The following SERGEF variants were observed in gnomAD, a reference collection of about 807,000 sequenced individuals.
SERGEF encodes secretion regulating guanine nucleotide exchange factor, also known as secretion-regulating guanine nucleotide exchange factor.
SERGEF carries 51 observed loss-of-function variants against 50.0 expected under a neutral mutation model. The observed-to-expected ratio is 1.02, with a 90% confidence interval of 0.81 to 1.29. The LOEUF is 1.29. Among genes scored for constraint, SERGEF ranks in the 50% most tolerant of loss-of-function variants. The pLI, the probability that SERGEF is intolerant of heterozygous loss-of-function variation, is 0.00. For synonymous variants in SERGEF, 205 were observed against 212.4 expected (o/e 0.97, Z 0.30); for missense variants, 521 against 557.0 (o/e 0.94, Z 0.65).
chr11:17,993,281 C>T (rs570682649), intron 6 of SERGEF, among the ~76,000 whole-genome samples: 7 of 152,234 alleles, frequency 4.6e-5, no homozygotes, highest in South Asian at 4.1e-4. Context: ...TATAATCAAC[C>T]GTGTAATATT....
Position 17,958,907 on chromosome 11 carries a change from C to G in SERGEF, c.1011+563G>C, listed in dbSNP as rs574388957. ...CAGAGTCTTGCTCTGCCCCCACCCC[C>G]CTCCAGGCTGGAGTGCAGTGGTGTG... is the stretch of plus-strand genomic sequence containing the variant. On this transcript the variant is annotated intron_variant, in intron 9 of 10. Transcript: ENST00000265965. 1.8e-4 allele frequency among the ~76,000 whole-genome samples: 27 copies of G among 152,170 alleles called. No individual in the cohort carries two copies. The East Asian group carries it at 1.9e-3, about 11-fold the overall frequency.
chr11:17,898,152 A>G (rs1851681395), intron 9 of SERGEF, among the ~76,000 whole-genome samples: 1 of 152,228 alleles, frequency 6.6e-6, no homozygotes, highest in African/African-American at 2.4e-5. Context: ...TGACTGAGAA[A>G]CTCAGGAATC....
chr11:17,887,339 AAC>A (rs1288303518), intron 9 of SERGEF, among the ~76,000 whole-genome samples: 1 of 152,226 alleles, frequency 6.6e-6, no homozygotes, highest in Non-Finnish European at 1.5e-5. Flanking sequence ...AAAAAAGCCT[AAC>A]ACAACAATAC....
chr11:17,914,968 A>G (rs1852022276), intron 9 of SERGEF, among the ~76,000 whole-genome samples: 1 of 152,230 alleles, frequency 6.6e-6, no homozygotes, highest in Non-Finnish European at 1.5e-5. Context: ...AGAATAAAAG[A>G]AGAGGTCCTC....
chr11:17,917,350 AG>A (rs1415467739), intron 9 of SERGEF, among the ~76,000 whole-genome samples: 2 of 152,216 alleles, frequency 1.3e-5, no homozygotes, highest in African/African-American at 2.4e-5. Context: ...CTCACTCATA[AG>A]TGGGAGCTAA....
chr11:18,007,262 T>C (rs1358691670), intron 2 of SERGEF, among the ~76,000 whole-genome samples: 2 of 152,246 alleles, frequency 1.3e-5, no homozygotes, highest in Non-Finnish European at 2.9e-5. Context: ...ATAATTTTTT[T>C]CTTTACAAAG....
chr11:17,993,324 T>G (rs750706539), intron 6 of SERGEF, among the ~76,000 whole-genome samples: 1 of 152,246 alleles, frequency 6.6e-6, no homozygotes. Flanking sequence ...TGTAAATTCA[T>G]GATTTCTAGT....
chr11:17,959,344 A>C, intron 9 of SERGEF, 126 bp downstream of exon 9: 1 of 824,376 alleles, frequency 1.2e-6, no homozygotes, highest in East Asian at 2.6e-5. Flanking sequence ...CCTTAGGGCA[A>C]GGACCTCTTC....
rs935462920 is a variant in SERGEF at position 17,947,274 on chromosome 11, T to C, written c.1011+12196A>G. On this transcript the variant is annotated intron_variant, in intron 9 of 10. Coordinates refer to ENST00000265965, the MANE Select transcript of SERGEF (RefSeq NM_012139.4). ...GGCAACTGAAGTTGTCCAGAAAAGA[T>C]TCCACTGGGCAAGCTCTAATCTGAG... is the stretch of plus-strand genomic sequence containing the variant. Among the ~76,000 whole-genome samples, 28 of 152,176 alleles carry C rather than the reference T, an allele frequency of 1.8e-4. No individual in the cohort carries two copies. In the East Asian group the frequency reaches 2.1e-3, roughly 12 times the overall value.
intron 10 of SERGEF, among the ~76,000 whole-genome samples, chr11:17,820,645 A>G (rs888121528): frequency 6.6e-6 from 1 of 152,236 alleles, no homozygotes; most frequent in African/African-American, 2.4e-5. Context: ...TGGGTTGAAC[A>G]ATGGTCCTCC....
In SERGEF at chr11:17,859,428, A is replaced by G. The variant is rs1850885604; in HGVS notation, c.1048+18780T>C. Among the ~76,000 whole-genome samples, 2 of 152,118 alleles carry G rather than the reference A, an allele frequency of 1.3e-5. 1 individual carries two copies. The highest frequency in any genetic ancestry group is 4.1e-4 in the South Asian group (2 of 4,828). On this transcript the variant is annotated intron_variant, in intron 10 of 10. Coordinates refer to ENST00000265965, the MANE Select transcript of SERGEF (RefSeq NM_012139.4). ...AAAAGTAAAAACATGCCCAAGAGGA[A>G]AGAAAAGATAAGAAAATTAGGAGTC...
intron 10 of SERGEF, among the ~76,000 whole-genome samples, chr11:17,873,385 T>C (rs1851182549): frequency 6.6e-6 from 1 of 152,118 alleles, no homozygotes; most frequent in South Asian, 2.1e-4. Context: ...CACAGAAACA[T>C]ACAAATTTGT....
At chr11:17,953,929 C>G (rs1445236439) in intron 9 of SERGEF, among the ~76,000 whole-genome samples, 2 of 152,190 alleles carry the variant, frequency 1.3e-5, no homozygotes, top group African/African-American at 4.8e-5. Flanking sequence ...TATTTCTCCC[C>G]CTGCTATGTC....
intron 8 of SERGEF, among the ~76,000 whole-genome samples, chr11:17,986,295 T>C (rs1422048748): frequency 6.6e-6 from 1 of 152,140 alleles, no homozygotes; most frequent in African/African-American, 2.4e-5. Flanking sequence ...TGGTGAATCA[T>C]GTAACCGGAA....
At chr11:17,794,621 A>T (rs1286966563) in intron 10 of SERGEF, among the ~76,000 whole-genome samples, 1 of 152,166 alleles carries the variant, frequency 6.6e-6, no homozygotes, top group Non-Finnish European at 1.5e-5. Context: ...TGTGATAAGC[A>T]CTTTGCAAAT....
At chr11:17,910,781 T>C (rs999484490) in intron 9 of SERGEF, among the ~76,000 whole-genome samples, 1 of 98,964 alleles carries the variant, frequency 1.0e-5, no homozygotes, top group Non-Finnish European at 2.0e-5. Flanking sequence ...ATATCTATAC[T>C]GAAAGCCACT....
rs190326117 is a variant in SERGEF at position 17,842,370 on chromosome 11, T to G, written c.1048+35838A>C. Among the ~76,000 whole-genome samples the G allele has an allele frequency of 6.6e-5, 10 of 152,304 alleles. No homozygotes were observed. In the East Asian group the frequency reaches 1.9e-3, roughly 29 times the overall value. ...GCCACCTCTCCTTATCTCTCTGGTATCCACTACAGTGAAACACCTTCTATA... is the reference window on the plus strand; with the variant it reads ...GCCACCTCTCCTTATCTCTCTGGTAGCCACTACAGTGAAACACCTTCTATA... On this transcript the variant is annotated intron_variant, in intron 10 of 10. Transcript: ENST00000265965.
At chr11:17,993,310 T>A (rs1392680508) in intron 6 of SERGEF, among the ~76,000 whole-genome samples, 1 of 152,126 alleles carries the variant, frequency 6.6e-6, no homozygotes, top group Non-Finnish European at 1.5e-5. Context: ...ATTGGAAAAA[T>A]CAGTGTAAAT....
chr11:17,857,448 T>C (rs1850842298), intron 10 of SERGEF, among the ~76,000 whole-genome samples: 1 of 152,218 alleles, frequency 6.6e-6, no homozygotes, highest in South Asian at 2.1e-4. Flanking sequence ...ATATACGTCT[T>C]CTTTGGCTAC....
Sources: gnomAD v4.1 joint callset for allele counts (sites outside exome capture counted in the v4.1 genomes callset) on GRCh38, gnomAD v4.1.1 for gene constraint, MANE v1.5 for transcripts, NCBI Gene and HGNC (gene_info 2026-07-23, HGNC 2026-07-21) for gene names.